Variants in KCNA2 observed in about 807,000 individuals in gnomAD.
KCNA2 encodes the protein potassium voltage-gated channel subfamily A member 2, also known as potassium channel, voltage gated shaker related subfamily A, member 2.
In KCNA2, 11 loss-of-function variants were observed where a neutral mutation model predicts 33.4. The ratio of observed to expected loss-of-function variants is 0.33; its 90% CI spans 0.21 to 0.55. The LOEUF is 0.55. Among genes scored for constraint, KCNA2 ranks in the 20% least tolerant of loss-of-function variants. The pLI, the probability that KCNA2 is intolerant of heterozygous loss-of-function variation, is 0.93. For synonymous variants in KCNA2, 222 were observed against 231.3 expected (o/e 0.96, Z 0.37); for missense variants, 291 against 621.6 (o/e 0.47, Z 5.66).
chr1:110,597,004 T>TA lies in KCNA2; in HGVS notation c.*6278dup. On this transcript the variant is annotated 3_prime_UTR_variant, in exon 3 of 3. Coordinates refer to ENST00000316361, the MANE Select transcript of KCNA2 (RefSeq NM_004974.4). ...TGCAGCTGCACACTCTAGCGGGTGG[T>TA]AGAGTCTTTATTTCACTAATGTCAT... 1 of 985,430 alleles carries TA rather than the reference T, an allele frequency of 1.0e-6. No homozygotes were observed. The highest frequency in any genetic ancestry group is 1.2e-6 in the Non-Finnish European group (1 of 829,938). 61.0% of individuals were successfully genotyped at this position (985,430 alleles called of 1,614,324 possible). A position where few individuals can be genotyped will look rare whatever the true frequency, so the allele number is the denominator to read the frequency against.
chr1:110,596,169 GAGT>G lies in KCNA2; in HGVS notation c.*7111_*7113del. 1.2e-5 allele frequency: 12 copies of G among 984,754 alleles called. No individual in the cohort carries two copies. Among genetic ancestry groups the G allele is most frequent in the Non-Finnish European group, 1.4e-5 (12 of 829,406 alleles). 61.0% of individuals were successfully genotyped at this position (984,754 alleles called of 1,614,324 possible). Reference sequence around the variant, plus strand: ...AGAGGTCCCTAAGCAGAAAAAAAAAGAGTAGAACTGGAGAGGTGAAAAGAATGC... The same window carrying G: ...AGAGGTCCCTAAGCAGAAAAAAAAAGAGAACTGGAGAGGTGAAAAGAATGC... On this transcript the variant is annotated 3_prime_UTR_variant, in exon 3 of 3. Coordinates refer to ENST00000316361, the MANE Select transcript of KCNA2 (RefSeq NM_004974.4).
chr1:110,607,591 A>G (rs7538552), upstream of KCNA2: 152,095 of 152,348 alleles, frequency 1, 75,921 homozygotes, highest in Non-Finnish European at 1. Flanking sequence ...GCAGAGCCCG[A>G]CTTACTAACC....
chr1:110,613,718 A>G (rs754840867), intron 1 of KCNA2, among the ~76,000 whole-genome samples: 6 of 152,136 alleles, frequency 3.9e-5, no homozygotes, highest in Admixed American at 6.5e-5. Flanking sequence ...GGTTTCCCAG[A>G]GCTGGTGGCT....
chr1:110,619,421 G>GTA (rs2101453709), intron 1 of KCNA2, among the ~76,000 whole-genome samples: 1 of 152,356 alleles, frequency 6.6e-6, no homozygotes, highest in East Asian at 1.9e-4. Flanking sequence ...ACTCCCAAGG[G>GTA]TATGGCTGGT....
At chr1:110,609,415 T>C (rs977485644), upstream of KCNA2, among the ~76,000 whole-genome samples, 1 of 152,178 alleles carries the variant, frequency 6.6e-6, no homozygotes, top group African/African-American at 2.4e-5. Flanking sequence ...GAAGTCAATG[T>C]ATACATTAGT....
rs969142262 is a variant in KCNA2 at position 110,618,301 on chromosome 1, C to T, written c.-495-12579G>A. 5.3e-5 allele frequency among the ~76,000 whole-genome samples: 8 copies of T among 152,190 alleles called. No individual in the cohort carries two copies. In the South Asian group the frequency reaches 8.3e-4, roughly 16 times the overall value. ...GTTCGAGGTTACAGTGAGGTATGATCGTGCCACTGCACTCCTGGCTGACAT... is the reference window on the plus strand; with the variant it reads ...GTTCGAGGTTACAGTGAGGTATGATTGTGCCACTGCACTCCTGGCTGACAT... On this transcript the variant is annotated intron_variant, in intron 1 of 4. Coordinates refer to the KCNA2 transcript ENST00000369770.
Position 110,598,894 on chromosome 1 carries a change from G to A in KCNA2, c.*4389C>T. On this transcript the variant is annotated 3_prime_UTR_variant, in exon 3 of 3. Transcript: ENST00000316361. ...ACCCACTCAGCCACTCTCTCTTCCT[G>A]ACAATCTCTCCACCTTTCCTGGGCC... 1 of 985,378 alleles carries A rather than the reference G, an allele frequency of 1.0e-6. No homozygotes were observed. Among genetic ancestry groups the A allele is most frequent in the Non-Finnish European group, 1.2e-6 (1 of 829,922 alleles). The allele number at this position is 985,378 out of a possible 1,614,324, so 61.0% of individuals were successfully genotyped here. A position where few individuals can be genotyped will look rare whatever the true frequency, so the allele number is the denominator to read the frequency against.
rs1311347109 is a variant in KCNA2, at chr1:110,603,137, A to G, written c.*146T>C. On this transcript the variant is annotated 3_prime_UTR_variant, in exon 3 of 3. Transcript: ENST00000316361. This position sits in a 1 kb window ranked among gnomAD's most constrained non-coding sequence, Gnocchi z 5.7. The stretch of plus-strand genomic sequence containing the variant: ...TAGATATTCTGTGTTCTAAATCAAA[A>G]GTCAAAAGATCAAAAGTCACTTGCA... 4.8e-6 allele frequency: 7 copies of G among 1,447,602 alleles called. No individual in the cohort carries two copies. Among genetic ancestry groups the G allele is most frequent in the Non-Finnish European group, 6.3e-6 (7 of 1,105,234 alleles). The allele number at this position is 1,447,602 out of a possible 1,614,324, so 89.7% of individuals were successfully genotyped here.
rs778231995 is a variant in KCNA2 at position 110,604,537 on chromosome 1, G to A, written c.246C>T (p.Arg82=). 28 of 1,614,114 alleles carry A rather than the reference G, an allele frequency of 1.7e-5. No homozygotes were observed. Among genetic ancestry groups the A allele is most frequent in the Non-Finnish European group, 2.0e-5 (24 of 1,180,046 alleles). Residue 82 remains arginine (R), a synonymous_variant, in exon 3 of 3, where the codon CGC becomes CGT. Transcript: ENST00000316361. The surrounding 1 kb of genome is among the most constrained non-coding windows in gnomAD (Gnocchi z 7.6). Reference sequence around the variant, plus strand: ...AGTACAAAATGGCATCAAAGCTAGGGCGGTTCCGATCGAAAAAGTACTCAT... The same window carrying A: ...AGTACAAAATGGCATCAAAGCTAGGACGGTTCCGATCGAAAAAGTACTCAT... ...LRNEYFFDRN[R]PSFDAILYYY...
rs1557724797 is a variant in KCNA2, at chr1:110,593,949, CAAAT to C, written c.*9330_*9333del. 3.2e-6 allele frequency: 5 copies of C among 1,549,600 alleles called. No individual in the cohort carries two copies. The Admixed American group carries it at 7.9e-5, about 24-fold the overall frequency. ...GGTGTCTAAATTTTCAAGAAGCAAA[CAAAT>C]AGTTAAATGACTCCCAACTCCCATG... On this transcript the variant is annotated 3_prime_UTR_variant, in exon 3 of 3. Transcript: ENST00000316361.
intron 1 of KCNA2, among the ~76,000 whole-genome samples, chr1:110,616,946 C>G (rs959354354): frequency 1.4e-4 from 22 of 152,238 alleles, no homozygotes; most frequent in African/African-American, 5.3e-4. Context: ...GAATAAAGTA[C>G]AAAAGCACCT....
chr1:110,612,933 A>G (rs1054650042), intron 1 of KCNA2, among the ~76,000 whole-genome samples: 2 of 152,224 alleles, frequency 1.3e-5, no homozygotes, highest in African/African-American at 4.8e-5. Context: ...ACTGCTTGCC[A>G]TTCACATGAC....
In KCNA2 at chr1:110,603,083, G is replaced by A. The variant is rs982526635; in HGVS notation, c.*200C>T. ...TCCCGTCTTTGGAAGTTCATAAGCC[G>A]GTGATGAGGATGTGCATGAAAGCCA... On this transcript the variant is annotated 3_prime_UTR_variant, in exon 3 of 3. Transcript: ENST00000316361. This position sits in a 1 kb window ranked among gnomAD's most constrained non-coding sequence, Gnocchi z 5.7. 25 of 1,410,210 alleles carry A rather than the reference G, an allele frequency of 1.8e-5. No individual in the cohort carries two copies. The highest frequency in any genetic ancestry group is 1.2e-4 in the South Asian group (7 of 60,152). The allele number at this position is 1,410,210 out of a possible 1,614,324, so 87.4% of individuals were successfully genotyped here. A position where few individuals can be genotyped will look rare whatever the true frequency, so the allele number is the denominator to read the frequency against.
intron 1 of KCNA2, among the ~76,000 whole-genome samples, chr1:110,625,031 C>T (rs1385352067): frequency 6.6e-6 from 1 of 152,178 alleles, no homozygotes; most frequent in Non-Finnish European, 1.5e-5. Context: ...ACTTCATCTC[C>T]AAGTCTTGGC....
intron 1 of KCNA2, among the ~76,000 whole-genome samples, chr1:110,617,023 A>G (rs769930259): frequency 6.6e-6 from 1 of 152,234 alleles, no homozygotes; most frequent in Non-Finnish European, 1.5e-5. Flanking sequence ...CAGAATGTCC[A>G]AAGACCCCGA....
At chr1:110,607,340 G>A (rs540379245), upstream of KCNA2, 93 of 151,108 alleles carry the variant, frequency 6.2e-4, no homozygotes, top group African/African-American at 2.1e-3. Flanking sequence ...GGGTGCGGGC[G>A]GCCAGCCGGG....
rs185839170 is a variant in KCNA2, at chr1:110,596,948, T to G, written c.*6335A>C. 1.9e-4 allele frequency: 186 copies of G among 985,460 alleles called. 3 individuals are homozygous for G. Among genetic ancestry groups the G allele is most frequent in the Non-Finnish European group, 5.3e-5 (44 of 829,916 alleles). 61.0% of individuals were successfully genotyped at this position (985,460 alleles called of 1,614,324 possible). A position where few individuals can be genotyped will look rare whatever the true frequency, so the allele number is the denominator to read the frequency against. ...CAGATGTTAGGAAAGGGGACTCTTC[T>G]GAAGCCCCTGGCTATGTGTGCAAAT... On this transcript the variant is annotated 3_prime_UTR_variant, in exon 3 of 3. Coordinates refer to ENST00000316361, the MANE Select transcript of KCNA2 (RefSeq NM_004974.4).
In KCNA2 at chr1:110,599,256, A is replaced by AG. The variant is rs1162739212; in HGVS notation, c.*4026dup. The AG allele has an allele frequency of 1.0e-6, 1 of 984,716 alleles. No homozygotes were observed. Among genetic ancestry groups the AG allele is most frequent in the Non-Finnish European group, 1.2e-6 (1 of 829,360 alleles). 61.0% of individuals were successfully genotyped at this position (984,716 alleles called of 1,614,324 possible). On this transcript the variant is annotated 3_prime_UTR_variant, in exon 3 of 3. Coordinates refer to ENST00000316361, the MANE Select transcript of KCNA2 (RefSeq NM_004974.4). ...ACTCAGCTCTCAGCTAGTCCTACTT[A>AG]GGGGAAGAACCAGCTCCAAGAGTAA... is the stretch of plus-strand genomic sequence containing the variant.
chr1:110,614,811 T>C (rs56076010), intron 1 of KCNA2, among the ~76,000 whole-genome samples: 22,703 of 152,218 alleles, frequency 0.15, 2,222 homozygotes, highest in African/African-American at 0.25. Flanking sequence ...TCAGAGGTCA[T>C]AGGACCTGCT....
Sources: allele counts gnomAD v4.1 joint callset (sites outside exome capture counted in the v4.1 genomes callset), GRCh38; gene constraint gnomAD v4.1.1; non-coding constraint Gnocchi (gnomAD v3.1); transcripts MANE v1.5; gene names NCBI Gene and HGNC (gene_info 2026-07-23, HGNC 2026-07-21).